MACROD2: variants seen among roughly 807,000 people sequenced by gnomAD.
The protein encoded by MACROD2 is mono-ADP ribosylhydrolase 2, also known as ADP-ribose glycohydrolase MACROD2.
MACROD2 carries 36 observed loss-of-function variants against 70.4 expected under a neutral mutation model. The observed-to-expected ratio is 0.51, with a 90% CI of 0.39 to 0.68. MACROD2 has a LOEUF of 0.68. MACROD2 is among the 30% of genes least tolerant of loss of function. The probability of loss-of-function intolerance (pLI) is 0.00; values close to 1 mark genes in which losing one functional copy is unlikely to be tolerated. For synonymous variants in MACROD2, 172 were observed against 178.8 expected (o/e 0.96, Z 0.30); for missense variants, 496 against 538.4 (o/e 0.92, Z 0.78).
At chr20:14,444,319 C>T (rs1404066680) in intron 3 of MACROD2, among the ~76,000 whole-genome samples, 1 of 152,038 alleles carries the variant, frequency 6.6e-6, no homozygotes, top group East Asian at 1.9e-4. Context: ...ACTTCTGAGT[C>T]CTCATTTTGT....
At chr20:15,284,252 GAATA>G (rs1397555508) in intron 6 of MACROD2, among the ~76,000 whole-genome samples, 3 of 152,092 alleles carry the variant, frequency 2.0e-5, no homozygotes, top group Admixed American at 2.0e-4. Flanking sequence ...TTTATTTATT[GAATA>G]AATCAGATTG....
intron 5 of MACROD2, among the ~76,000 whole-genome samples, chr20:14,952,239 A>G (rs988685939): frequency 6.6e-5 from 10 of 152,132 alleles, no homozygotes; most frequent in Non-Finnish European, 1.5e-4. Flanking sequence ...CTTGCTGAGC[A>G]TGTCTCACAT....
At chr20:14,914,948 G>C (rs1203918428) in intron 5 of MACROD2, among the ~76,000 whole-genome samples, 1 of 152,164 alleles carries the variant, frequency 6.6e-6, no homozygotes, top group Non-Finnish European at 1.5e-5. Flanking sequence ...TGCACTCCCA[G>C]AGGATCAAAC....
At chr20:15,805,987 G>A (rs1237801261) in intron 8 of MACROD2, among the ~76,000 whole-genome samples, 1 of 152,140 alleles carries the variant, frequency 6.6e-6, no homozygotes, top group East Asian at 1.9e-4. Flanking sequence ...AGAATTTCCT[G>A]AAGCAACCTT....
Position 15,172,129 on chromosome 20 carries a change from C to CTTT in MACROD2, c.419-57811_419-57810insTTT, listed in dbSNP as rs2076427127. 3.3e-5 allele frequency among the ~76,000 whole-genome samples: 5 copies of CTTT among 152,102 alleles called. No homozygotes were observed. In the South Asian group the frequency reaches 1.0e-3, roughly 32 times the overall value. ...AGATCAATCATAGGAGTCAGAGAAG[C>CTTT]ATTCATAAGACAGTGAGAAGCTTCT... is the stretch of plus-strand genomic sequence containing the variant. On this transcript the variant is annotated intron_variant, in intron 5 of 17. Coordinates refer to ENST00000684519, the MANE Select transcript of MACROD2 (RefSeq NM_001351661.2).
chr20:14,173,916 A>G (rs2081243235), intron 3 of MACROD2, among the ~76,000 whole-genome samples: 1 of 152,190 alleles, frequency 6.6e-6, no homozygotes, highest in Non-Finnish European at 1.5e-5. Context: ...CAAGAGAGCT[A>G]CGAGGCTCTG....
At chr20:15,010,295 A>C (rs2075072668) in intron 5 of MACROD2, among the ~76,000 whole-genome samples, 1 of 152,190 alleles carries the variant, frequency 6.6e-6, no homozygotes, top group South Asian at 2.1e-4. Context: ...TTAGGTAGTT[A>C]CACATTATTT....
chr20:15,488,770 T>A (rs1600484830), intron 7 of MACROD2, among the ~76,000 whole-genome samples: 6 of 152,218 alleles, frequency 3.9e-5, no homozygotes, highest in African/African-American at 1.4e-4. Flanking sequence ...CTCCTTTGAT[T>A]ACCCCTGTAG....
intron 3 of MACROD2, among the ~76,000 whole-genome samples, chr20:14,255,201 G>A (rs1016856399): frequency 2.0e-5 from 3 of 151,990 alleles, no homozygotes; most frequent in African/African-American, 7.2e-5. Context: ...TGGGCTAAAT[G>A]CTCCAATTAA....
At chr20:15,302,263 C>A (rs908517963) in intron 6 of MACROD2, among the ~76,000 whole-genome samples, 1 of 152,082 alleles carries the variant, frequency 6.6e-6, no homozygotes, top group Non-Finnish European at 1.5e-5. Context: ...TATTTCATTT[C>A]TTTCTCTTCT....
intron 8 of MACROD2, among the ~76,000 whole-genome samples, chr20:15,602,954 C>A (rs1169825267): frequency 1.3e-5 from 2 of 150,500 alleles, no homozygotes. Flanking sequence ...AAAAAAAAAT[C>A]TATCCTATTT....
intron 8 of MACROD2, among the ~76,000 whole-genome samples, chr20:15,649,686 A>T (rs760184747): frequency 2.9e-4 from 44 of 152,320 alleles, no homozygotes; most frequent in Non-Finnish European, 5.9e-4. Flanking sequence ...GAAAGATAGT[A>T]CCACTCTGAT....
intron 5 of MACROD2, among the ~76,000 whole-genome samples, chr20:14,779,581 A>G (rs2072274579): frequency 6.6e-6 from 1 of 152,042 alleles, no homozygotes; most frequent in African/African-American, 2.4e-5. Context: ...GGAACTTCAT[A>G]TTGTATTGTA....
chr20:14,285,766 T>A (rs1223179225), intron 3 of MACROD2, among the ~76,000 whole-genome samples: 1 of 152,068 alleles, frequency 6.6e-6, no homozygotes, highest in African/African-American at 2.4e-5. Context: ...GGTAATAGAT[T>A]GTGTTGAGAC....
intron 8 of MACROD2, among the ~76,000 whole-genome samples, chr20:15,678,423 G>GCT (rs1206309099): frequency 1.6e-3 from 238 of 151,300 alleles, no homozygotes; most frequent in African/African-American, 5.6e-3. Flanking sequence ...GCAGTGGCAT[G>GCT]ATCTCGGCTC....
At chr20:15,155,593 G>T (rs2076301495) in intron 5 of MACROD2, among the ~76,000 whole-genome samples, 2 of 152,142 alleles carry the variant, frequency 1.3e-5, no homozygotes, top group Non-Finnish European at 1.5e-5. Context: ...CCCCTTTTGA[G>T]ATTCCATTGT....
chr20:15,865,322 A>G (rs1025581287), intron 9 of MACROD2, among the ~76,000 whole-genome samples: 5 of 147,286 alleles, frequency 3.4e-5, no homozygotes, highest in African/African-American at 5.0e-5. Flanking sequence ...TAATGGTTCA[A>G]TGATAATTGC....
intron 5 of MACROD2, among the ~76,000 whole-genome samples, chr20:15,078,982 T>TC (rs1474184897): frequency 6.6e-6 from 1 of 152,078 alleles, no homozygotes; most frequent in Non-Finnish European, 1.5e-5. Flanking sequence ...CCTGGCTGTC[T>TC]CCAAAGGATT....
chr20:14,496,404 C>T (rs564511323), intron 4 of MACROD2, among the ~76,000 whole-genome samples: 1 of 152,114 alleles, frequency 6.6e-6, no homozygotes, highest in African/African-American at 2.4e-5. Flanking sequence ...TTATTGTATG[C>T]AAAATTGTAT....
Sources: gnomAD v4.1 joint callset for allele counts (sites outside exome capture counted in the v4.1 genomes callset) on GRCh38, gnomAD v4.1.1 for gene constraint, MANE v1.5 for transcripts, NCBI Gene and HGNC (gene_info 2026-07-23, HGNC 2026-07-21) for gene names.